DUSP14: variants seen among roughly 807,000 people sequenced by gnomAD.
The protein encoded by DUSP14 is dual specificity phosphatase 14.
DUSP14 carries 5 observed loss-of-function variants against 13.2 expected under a neutral mutation model. The observed-to-expected ratio is 0.38, with a 90% CI of 0.20 to 0.80. The LOEUF (loss-of-function observed/expected upper bound fraction) is 0.80. DUSP14 is among the 30% of genes least tolerant of loss of function. The probability of loss-of-function intolerance (pLI) is 0.44; values close to 1 mark genes in which losing one functional copy is unlikely to be tolerated. For synonymous variants in DUSP14, 91 were observed against 103.4 expected (o/e 0.88, Z 0.73); for missense variants, 185 against 264.0 (o/e 0.70, Z 2.07).
intron 1 of DUSP14, among the ~76,000 whole-genome samples, chr17:37,502,338 T>A (rs1244904668): frequency 6.6e-6 from 1 of 150,632 alleles, no homozygotes; most frequent in African/African-American, 2.4e-5. Flanking sequence ...CACATCACCA[T>A]GCCCAGCAAT....
rs1254964049 is a variant in DUSP14, at chr17:37,508,690, C to T, written c.-180-1987C>T. Among the ~76,000 whole-genome samples the T allele has an allele frequency of 2.6e-5, 4 of 151,210 alleles. No homozygotes were observed. The East Asian group carries it at 5.8e-4, about 22-fold the overall frequency. ...TGGAGGTTGCAGTGAGCTGAGATTG[C>T]GCCACTGCACTCCAGCCTGGGTGAC... On this transcript the variant is annotated intron_variant, in intron 1 of 2. Transcript: ENST00000617516.
In DUSP14 at chr17:37,509,128, T is replaced by TACAC. The variant is rs869304104; in HGVS notation, c.-180-1512_-180-1509dup. On this transcript the variant is annotated intron_variant, in intron 1 of 2. Transcript: ENST00000617516. The stretch of plus-strand genomic sequence containing the variant: ...CCATATATATATATATATATATATA[T>TACAC]ACACACACACACACACACACACACA... Among the ~76,000 whole-genome samples the TACAC allele has an allele frequency of 3.7e-3, 115 of 31,178 alleles. 4 individuals are homozygous for TACAC. Among genetic ancestry groups the TACAC allele is most frequent in the Middle Eastern group, 0.02 (1 of 50 alleles). The allele number at this position is 31,178 out of a possible 152,430, so 20.5% of individuals were successfully genotyped here.
At chr17:37,492,375 G>A (rs1449917877) in intron 1 of DUSP14, among the ~76,000 whole-genome samples, 2 of 152,200 alleles carry the variant, frequency 1.3e-5, no homozygotes, top group African/African-American at 4.8e-5. Flanking sequence ...ATTTAAGATG[G>A]CTTTATTATT....
intron 1 of DUSP14, among the ~76,000 whole-genome samples, chr17:37,499,026 C>T (rs144728626): frequency 5.9e-5 from 9 of 152,280 alleles, no homozygotes; most frequent in East Asian, 1.9e-4. Context: ...CCCATTCTCA[C>T]GCTGCTATGA....
In DUSP14 at chr17:37,512,988, CACT is replaced by C; in HGVS notation, c.*120_*122del. The C allele has an allele frequency of 1.2e-6, 1 of 828,444 alleles. No homozygotes were observed. Among genetic ancestry groups the C allele is most frequent in the East Asian group, 2.5e-5 (1 of 40,496 alleles). 51.3% of individuals were successfully genotyped at this position (828,444 alleles called of 1,614,324 possible). A position where few individuals can be genotyped will look rare whatever the true frequency, so the allele number is the denominator to read the frequency against. On this transcript the variant is annotated 3_prime_UTR_variant, in exon 3 of 3. Transcript: ENST00000617516. The surrounding 1 kb of genome is among the most constrained non-coding windows in gnomAD (Gnocchi z 4.8). ...CTGGTTCTCCCTCAAGTGTTTTTTACACTGGGTGTTCAAATTTATTTTAAGAGA... is the reference window on the plus strand; with the variant it reads ...CTGGTTCTCCCTCAAGTGTTTTTTACGGGTGTTCAAATTTATTTTAAGAGA...
rs373703160 is a variant in DUSP14, at chr17:37,489,935, CCCGCT to C, written c.-199_-195del. On this transcript the variant is annotated 5_prime_UTR_variant, in exon 1 of 3. Transcript: ENST00000617516. ...CAGGAGGACGGAGCCCTAACCGCAA[CCCGCT>C]CCGCGCCGCGCCGCGCCGGTAGGGG... The C allele has an allele frequency of 0.72, 101,010 of 140,546 alleles. 37,202 individuals are homozygous for C. Among genetic ancestry groups the C allele is most frequent in the East Asian group, 0.97 (4,434 of 4,568 alleles). The allele number at this position is 140,546 out of a possible 1,614,324, so 8.7% of individuals were successfully genotyped here.
intron 1 of DUSP14, among the ~76,000 whole-genome samples, chr17:37,501,551 C>T (rs2054105435): frequency 6.6e-6 from 1 of 151,912 alleles, no homozygotes. Flanking sequence ...TGGAGTTTCT[C>T]ATCACCCAGG....
At chr17:37,488,924 C>T (rs555092847), upstream of DUSP14, among the ~76,000 whole-genome samples, 4 of 152,298 alleles carry the variant, frequency 2.6e-5, no homozygotes, top group South Asian at 8.3e-4. Context: ...ATTCTGAGGC[C>T]AACCATTTGC....
intron 1 of DUSP14, among the ~76,000 whole-genome samples, chr17:37,507,143 G>A (rs1277453722): frequency 1.3e-5 from 2 of 152,148 alleles, no homozygotes; most frequent in African/African-American, 4.8e-5. Context: ...CTGTCAAGGG[G>A]GTCAGGAGTG....
At chr17:37,510,288 C>T (rs2054174503) in intron 1 of DUSP14, 1 of 152,370 alleles carries the variant, frequency 6.6e-6, no homozygotes, top group African/African-American at 2.4e-5. Flanking sequence ...CCGCCCAGGC[C>T]TTCCCACTGC....
intron 1 of DUSP14, among the ~76,000 whole-genome samples, chr17:37,507,642 G>A (rs1374261541): frequency 1.3e-5 from 2 of 151,848 alleles, no homozygotes; most frequent in Admixed American, 6.6e-5. Context: ...TAGTAGAGAC[G>A]GGGTTTCACC....
chr17:37,510,379 C>G (rs1299358493), intron 1 of DUSP14: 1 of 152,254 alleles, frequency 6.6e-6, no homozygotes, highest in Non-Finnish European at 1.5e-5. Context: ...CAGTGCCGGA[C>G]ATTTCGCGGA....
At chr17:37,496,940 G>GAA (rs1568200132) in intron 1 of DUSP14, among the ~76,000 whole-genome samples, 17 of 91,752 alleles carry the variant, frequency 1.9e-4, no homozygotes, top group African/African-American at 2.6e-4. Flanking sequence ...AAAAAGAAAA[G>GAA]AAAATTATTG....
At chr17:37,502,327 G>A (rs990883523) in intron 1 of DUSP14, among the ~76,000 whole-genome samples, 7 of 151,210 alleles carry the variant, frequency 4.6e-5, no homozygotes, top group Non-Finnish European at 8.8e-5. Flanking sequence ...GACCACAGGT[G>A]CACATCACCA....
At chr17:37,491,358 C>T (rs1190347157) in intron 1 of DUSP14, 1 of 152,296 alleles carries the variant, frequency 6.6e-6, no homozygotes, top group African/African-American at 2.4e-5. Flanking sequence ...CAGGCCGGGG[C>T]AGAGACCCTG....
chr17:37,507,427 C>T lies in DUSP14; in HGVS notation c.-180-3250C>T, dbSNP rs560988848. ...CCGGCTTCTACAGGGAACCTGGGCT[C>T]CTTTGCCTCAGGAAGGCAAGTGGCT... On this transcript the variant is annotated intron_variant, in intron 1 of 2. Transcript: ENST00000617516. Among the ~76,000 whole-genome samples, 12 of 152,320 alleles carry T rather than the reference C, an allele frequency of 7.9e-5. No homozygotes were observed. The South Asian group carries it at 2.1e-3, about 26-fold the overall frequency.
intron 1 of DUSP14, among the ~76,000 whole-genome samples, chr17:37,501,780 G>C (rs868022728): frequency 1.1e-4 from 17 of 152,194 alleles, no homozygotes; most frequent in African/African-American, 4.1e-4. Flanking sequence ...GCCTTCCAAA[G>C]TGCTGGGATT....
rs1568204463 is a variant in DUSP14 at position 37,509,137 on chromosome 17, A to ATATATG, written c.-180-1540_-180-1539insTATATG. Among the ~76,000 whole-genome samples the ATATATG allele has an allele frequency of 2.1e-3, 98 of 46,408 alleles. 6 individuals are homozygous for ATATATG. The highest frequency in any genetic ancestry group is 3.0e-3 in the Non-Finnish European group (82 of 27,198). 30.4% of individuals were successfully genotyped at this position (46,408 alleles called of 152,430 possible). On this transcript the variant is annotated intron_variant, in intron 1 of 2. Coordinates refer to ENST00000617516, the MANE Select transcript of DUSP14 (RefSeq NM_007026.4). ...TATATATATATATATATACACACAC[A>ATATATG]CACACACACACACACACACACACAC...
chr17:37,489,619 CG>C (rs1394252063), upstream of DUSP14, among the ~76,000 whole-genome samples: 9 of 152,030 alleles, frequency 5.9e-5, no homozygotes, highest in East Asian at 1.7e-3. Flanking sequence ...GAGGGGTCGC[CG>C]GTGTGTGAGG....
Sources: allele counts gnomAD v4.1 joint callset (sites outside exome capture counted in the v4.1 genomes callset), GRCh38; gene constraint gnomAD v4.1.1; non-coding constraint Gnocchi (gnomAD v3.1); transcripts MANE v1.5; gene names NCBI Gene and HGNC (gene_info 2026-07-23, HGNC 2026-07-21).